RGS6: variants seen among roughly 807,000 people sequenced by gnomAD.
RGS6 encodes regulator of G protein signaling 6.
Under a neutral mutation model 78.5 loss-of-function variants are expected in RGS6, and 30 were observed. The observed-to-expected ratio is 0.38, with a 90% CI of 0.29 to 0.52. RGS6 has a LOEUF of 0.52. Among genes scored for constraint, RGS6 ranks in the 20% least tolerant of loss-of-function variants. RGS6 has a pLI of 0.85. For synonymous variants in RGS6, 206 were observed against 206.0 expected (o/e 1.00, Z 0.00); for missense variants, 495 against 609.7 (o/e 0.81, Z 1.98).
intron 2 of RGS6, among the ~76,000 whole-genome samples, chr14:72,296,852 C>A (rs985543142): frequency 6.6e-6 from 1 of 152,110 alleles, no homozygotes; most frequent in Admixed American, 6.5e-5. Context: ...ATCTTGCCTT[C>A]CTCAAAGTCA....
chr14:72,231,356 G>A (rs2049539205), intron 2 of RGS6, among the ~76,000 whole-genome samples: 1 of 152,192 alleles, frequency 6.6e-6, no homozygotes. Context: ...GATTTAGTGG[G>A]AGTAAGAGGG....
chr14:72,313,550 C>T (rs570488186), intron 2 of RGS6, among the ~76,000 whole-genome samples: 6 of 152,314 alleles, frequency 3.9e-5, no homozygotes, highest in African/African-American at 9.6e-5. Context: ...CCCTTATGAT[C>T]GTTCCTTCTG....
In RGS6 at chr14:72,202,841, G is replaced by C. The variant is rs551438549; in HGVS notation, c.85-149254G>C. On this transcript the variant is annotated intron_variant, in intron 2 of 17. Transcript: ENST00000553525. The stretch of plus-strand genomic sequence containing the variant: ...GCAAGTCTGTCCCATGCTATAACAG[G>C]GATTCTGTAGGATGGATCCTGTTTT... Among the ~76,000 whole-genome samples the C allele has an allele frequency of 3.2e-4, 48 of 151,792 alleles. 1 individual carries two copies. Among genetic ancestry groups the C allele is most frequent in the African/African-American group, 1.1e-3 (45 of 41,432 alleles).
chr14:72,284,329 ACAGGCCCAGAGGC>A (rs1237163245), intron 2 of RGS6, among the ~76,000 whole-genome samples: 3 of 148,456 alleles, frequency 2.0e-5, no homozygotes, highest in Non-Finnish European at 4.5e-5. Flanking sequence ...TGCTCCCATT[ACAGGCCCAGAGGC>A]CTAGGAGGAA....
chr14:72,049,665 T>C (rs1043324400), intron 2 of RGS6, among the ~76,000 whole-genome samples: 7 of 152,180 alleles, frequency 4.6e-5, no homozygotes, highest in African/African-American at 9.7e-5. Context: ...GATCTCCTAA[T>C]GAGCACAGTT....
At chr14:72,266,008 C>G (rs1427512310) in intron 2 of RGS6, among the ~76,000 whole-genome samples, 2 of 151,880 alleles carry the variant, frequency 1.3e-5, no homozygotes, top group Admixed American at 6.6e-5. Flanking sequence ...TATGTATGCT[C>G]TATAGCAAAC....
intron 6 of RGS6, chr14:72,464,685 C>T (rs1597891729): frequency 6.6e-6 from 1 of 152,102 alleles, no homozygotes; most frequent in African/African-American, 2.4e-5. Flanking sequence ...CCACTTGGCT[C>T]TGGAGAAGGA....
chr14:72,454,467 T>A, intron 3 of RGS6, 61 bp from the exon 4 acceptor site: 1 of 1,511,942 alleles, frequency 6.6e-7, no homozygotes, highest in East Asian at 2.3e-5. Context: ...TAAACATGTT[T>A]CTTCTGCCAC....
chr14:72,451,847 T>G (rs1311344843), intron 3 of RGS6, among the ~76,000 whole-genome samples: 1 of 151,988 alleles, frequency 6.6e-6, no homozygotes, highest in Non-Finnish European at 1.5e-5. Flanking sequence ...CCACCTCCCG[T>G]GTTCAAGCAA....
At chr14:72,492,926 C>A (rs1225289290) in intron 12 of RGS6, among the ~76,000 whole-genome samples, 3 of 152,190 alleles carry the variant, frequency 2.0e-5, no homozygotes, top group Non-Finnish European at 4.4e-5. Context: ...ACCATCTGGC[C>A]CACAAAGCCT....
the RGS6 span, among the ~76,000 whole-genome samples, chr14:72,578,989 C>T: frequency 2.6e-5 from 4 of 152,134 alleles, no homozygotes; most frequent in Non-Finnish European, 5.9e-5. Flanking sequence ...GTCTGCAATC[C>T]TTAGGAAAAA....
chr14:72,288,418 C>A (rs1042485092), intron 2 of RGS6, among the ~76,000 whole-genome samples: 6 of 152,270 alleles, frequency 3.9e-5, no homozygotes, highest in African/African-American at 1.4e-4. Flanking sequence ...CAGGTGCAGC[C>A]CTCAATACTA....
chr14:72,227,030 A>G (rs1567520622), intron 2 of RGS6, among the ~76,000 whole-genome samples: 1 of 152,184 alleles, frequency 6.6e-6, no homozygotes, highest in African/African-American at 2.4e-5. Flanking sequence ...CCAGATATAT[A>G]CACAACATTC....
intron 2 of RGS6, among the ~76,000 whole-genome samples, chr14:72,268,591 C>T (rs1021838137): frequency 1.7e-4 from 26 of 152,200 alleles, no homozygotes; most frequent in African/African-American, 6.3e-4. Flanking sequence ...ACTTTTCAGT[C>T]ATTTTCACCC....
At chr14:72,532,491 G>A (rs1056440467) in intron 15 of RGS6, among the ~76,000 whole-genome samples, 9 of 152,156 alleles carry the variant, frequency 5.9e-5, no homozygotes, top group East Asian at 1.9e-4. Context: ...AGGAACAGTC[G>A]CATGTCTCTA....
At chr14:72,001,547 A>G (rs954825987) in intron 2 of RGS6, among the ~76,000 whole-genome samples, 2 of 151,888 alleles carry the variant, frequency 1.3e-5, no homozygotes, top group African/African-American at 2.4e-5. Context: ...GCAAAAGTCA[A>G]TAAAACAACT....
At chr14:72,226,945 C>T (rs549314966) in intron 2 of RGS6, among the ~76,000 whole-genome samples, 1 of 152,272 alleles carries the variant, frequency 6.6e-6, no homozygotes, top group South Asian at 2.1e-4. Flanking sequence ...CCTTGACCTC[C>T]CAAAGTGGAG....
rs140942203 is a variant in RGS6, at chr14:72,195,213, A to G, written c.85-156882A>G. 2.4e-3 allele frequency among the ~76,000 whole-genome samples: 373 copies of G among 152,276 alleles called. 1 individual carries two copies. The highest frequency in any genetic ancestry group is 8.8e-3 in the African/African-American group (364 of 41,568). ...ACAGAGTGAAACTCCATCTCAAAAA[A>G]AAAAAAGAATAAAGAAATAAAAGTG... On this transcript the variant is annotated intron_variant, in intron 2 of 17. Coordinates refer to ENST00000553525, the MANE Select transcript of RGS6 (RefSeq NM_001204424.2).
chr14:72,040,727 T>C (rs1413162175), intron 2 of RGS6, among the ~76,000 whole-genome samples: 1 of 152,180 alleles, frequency 6.6e-6, no homozygotes, highest in Non-Finnish European at 1.5e-5. Flanking sequence ...ACTCTCATAA[T>C]GTGTATATTG....
Sources: gnomAD v4.1 joint callset for allele counts (sites outside exome capture counted in the v4.1 genomes callset) on GRCh38, gnomAD v4.1.1 for gene constraint, MANE v1.5 for transcripts, NCBI Gene and HGNC (gene_info 2026-07-23, HGNC 2026-07-21) for gene names.